SP100: variants seen among roughly 807,000 people sequenced by gnomAD.
SP100 encodes nuclear autoantigen Sp-100.
Under a neutral mutation model 130.0 loss-of-function variants are expected in SP100, and 84 were observed. That is an observed-to-expected ratio of 0.65 (90% CI 0.54 to 0.77). The LOEUF (loss-of-function observed/expected upper bound fraction) is 0.77. Ranked by LOEUF, SP100 falls within the 30% of genes least tolerant of loss-of-function variation. SP100 has a pLI of 0.00. For synonymous variants in SP100, 331 were observed against 351.7 expected (o/e 0.94, Z 0.66); for missense variants, 978 against 1,052.2 (o/e 0.93, Z 0.97).
Position 230,543,148 on chromosome 2 carries a change from G to A in SP100, c.*202G>A, listed in dbSNP as rs148802399. On this transcript the variant is annotated 3_prime_UTR_variant, in exon 29 of 29. Transcript: ENST00000340126. ...AAAAATTCTCAATAAGCTAGGTATT[G>A]AGGAACATATCCCAAAATAATAAGA... is the stretch of plus-strand genomic sequence containing the variant. 2.3e-6 allele frequency: 1 copy of A among 428,062 alleles called. No individual in the cohort carries two copies. Among genetic ancestry groups the A allele is most frequent in the Non-Finnish European group, 4.2e-6 (1 of 236,186 alleles). 26.5% of individuals were successfully genotyped at this position (428,062 alleles called of 1,614,324 possible).
intron 17 of SP100, among the ~76,000 whole-genome samples, chr2:230,479,917 C>T (rs2065753931): frequency 1.3e-5 from 2 of 152,210 alleles, no homozygotes; most frequent in African/African-American, 4.8e-5. Flanking sequence ...ATTTGGGCAT[C>T]TTGACCAATG....
chr2:230,458,667 A>G (rs1205166503), intron 8 of SP100, among the ~76,000 whole-genome samples: 4 of 152,156 alleles, frequency 2.6e-5, no homozygotes, highest in Non-Finnish European at 5.9e-5. Flanking sequence ...AAAGGAAGGA[A>G]GCCCAGGTGA....
At chr2:230,446,751 A>C (rs1315235392) in intron 4 of SP100, 68 bp from the exon 5 acceptor site, 17 of 1,017,036 alleles carry the variant, frequency 1.7e-5, no homozygotes, top group Non-Finnish European at 2.5e-5. Flanking sequence ...TCCTAAAAGC[A>C]TGATTTCCAG....
rs1235604252 is a variant in SP100 at position 230,511,156 on chromosome 2, T to G, written c.2084T>G (p.Val695Gly). The G allele has an allele frequency of 6.2e-7, 1 of 1,609,106 alleles. No individual in the cohort carries two copies. The highest frequency in any genetic ancestry group is 1.3e-5 in the African/African-American group (1 of 74,898). Residue 695 changes from valine (V) to glycine (G), a missense_variant, in exon 24 of 29, where the codon GTT (valine) becomes GGT (glycine). Val to Gly is a moderately radical substitution (Grantham distance 109, BLOSUM62 -3). Transcript: ENST00000340126. The stretch of plus-strand genomic sequence containing the variant: ...CTGGAATCTCACAACAATACCTTAG[T>G]TGACCCTTGTGTAAGTATAAATTTC... Reference protein sequence around the residue: ...RILESHNNTLVDPCPENSNIC... With the variant: ...RILESHNNTLGDPCPENSNIC...
Position 230,494,415 on chromosome 2 carries a change from G to A in SP100, c.1601-1G>A. ...TTATTTTCTTTCTTTTCTGTTTGCA[G>A]GAAAAAAGAGAAGGCATAGATCTAA... is the stretch of plus-strand genomic sequence containing the variant. On this transcript the variant is annotated splice_acceptor_variant, in intron 17 of 28. Coordinates refer to ENST00000340126, the MANE Select transcript of SP100 (RefSeq NM_001080391.2). LOFTEE classifies it high-confidence loss of function. 1 of 1,594,180 alleles carries A rather than the reference G, an allele frequency of 6.3e-7. No individual in the cohort carries two copies. Among genetic ancestry groups the A allele is most frequent in the Admixed American group, 1.7e-5 (1 of 59,812 alleles).
intron 2 of SP100, among the ~76,000 whole-genome samples, chr2:230,421,122 C>A (rs1343031020): frequency 6.6e-6 from 1 of 152,042 alleles, no homozygotes; most frequent in Non-Finnish European, 1.5e-5. Flanking sequence ...TCCTGTGCAA[C>A]ATCCTCCCGC....
intron 12 of SP100, 114 bp downstream of exon 12, chr2:230,466,468 G>A (rs1418250593): frequency 1.1e-5 from 7 of 643,822 alleles, no homozygotes; most frequent in East Asian, 2.7e-5. Flanking sequence ...ATCCTTCAAA[G>A]TAAAATATAA....
intron 8 of SP100, among the ~76,000 whole-genome samples, chr2:230,456,493 A>G (rs1343810559): frequency 2.0e-5 from 3 of 152,138 alleles, no homozygotes. Context: ...ATCTCTTTAA[A>G]TTAACTTTCT....
rs1008733524 is a variant in SP100 at position 230,494,836 on chromosome 2, A to G, written c.1645+376A>G. On this transcript the variant is annotated intron_variant, in intron 18 of 28. Transcript: ENST00000340126. ...CTCAAAAGTCTTCTGCCCACATCCC[A>G]TTGGCCAAAACTTGGTCACACAGCC... Among the ~76,000 whole-genome samples the G allele has an allele frequency of 3.3e-5, 5 of 152,308 alleles. No individual in the cohort carries two copies. In the South Asian group the frequency reaches 6.2e-4, roughly 19 times the overall value.
At position 230,417,936 on chromosome 2, in the gene SP100, A is replaced by G. The variant is rs545294701; in HGVS notation, c.107+271A>G. Among the ~76,000 whole-genome samples, 18 of 152,296 alleles carry G rather than the reference A, an allele frequency of 1.2e-4. No individual in the cohort carries two copies. The South Asian group carries it at 2.7e-3, about 23-fold the overall frequency. ...CTTATTAAAGCTTAAAACTTAACAT[A>G]TAGGCCTCTTGTGATACAGATTTTT... is the stretch of plus-strand genomic sequence containing the variant. On this transcript the variant is annotated intron_variant, in intron 2 of 28. Transcript: ENST00000340126.
chr2:230,514,941 T>A, intron 24 of SP100: 1 of 1,278,896 alleles, frequency 7.8e-7, no homozygotes, highest in Non-Finnish European at 1.1e-6. Context: ...TACATTGAGC[T>A]CCATAGAGAT....
intron 2 of SP100, among the ~76,000 whole-genome samples, chr2:230,422,198 G>A (rs563613636): frequency 1.3e-5 from 2 of 152,058 alleles, no homozygotes; most frequent in African/African-American, 4.8e-5. Flanking sequence ...CAAGAAATCC[G>A]AAATTTTCTC....
At chr2:230,477,212 T>C (rs1041999041) in intron 17 of SP100, among the ~76,000 whole-genome samples, 1 of 152,120 alleles carries the variant, frequency 6.6e-6, no homozygotes, top group African/African-American at 2.4e-5. Context: ...TCTGAATGAA[T>C]ATAGAACTCT....
chr2:230,497,594 AAGGAAAGGAAAGGAAAGGAAAGGAT>A (rs1559520544), intron 18 of SP100, among the ~76,000 whole-genome samples: 1 of 134,492 alleles, frequency 7.4e-6, no homozygotes, highest in Non-Finnish European at 1.7e-5. Context: ...AAGGAAAGGA[AAGGAAAGGAAAGGAAAGGAAAGGAT>A]CAGCACCTTT....
chr2:230,491,301 C>T (rs545908366), intron 17 of SP100, among the ~76,000 whole-genome samples: 36 of 152,324 alleles, frequency 2.4e-4, no homozygotes, highest in Admixed American at 2.6e-4. Context: ...ATGGAGACTG[C>T]GGCCTTTCTG....
Position 230,442,933 on chromosome 2 carries a change from C to G in SP100, c.108-4C>G. 6.2e-7 allele frequency: 1 copy of G among 1,611,538 alleles called. No homozygotes were observed. Among genetic ancestry groups the G allele is most frequent in the South Asian group, 1.1e-5 (1 of 90,682 alleles). ...CATTTTCACATGGTGTCCTTTTTCC[C>G]TAGGATGTTCACGGAAGACCAGGGT... On this transcript the variant is annotated splice_region_variant and splice_polypyrimidine_tract_variant and intron_variant, in intron 2 of 28. Coordinates refer to ENST00000340126, the MANE Select transcript of SP100 (RefSeq NM_001080391.2).
At chr2:230,510,840 A>G in intron 23 of SP100, 1 of 461,662 alleles carries the variant, frequency 2.2e-6, no homozygotes, top group Non-Finnish European at 3.9e-6. Flanking sequence ...TTGAAGTAGG[A>G]GGACCGATAG....
Position 230,449,552 on chromosome 2 carries a change from A to G in SP100, c.587-9A>G, listed in dbSNP as rs764365267. ...AAATAAAATACCTGTGAATCAAACCATGGTTTAGGTACAACCCCACCTGAA... is the reference window on the plus strand; with the variant it reads ...AAATAAAATACCTGTGAATCAAACCGTGGTTTAGGTACAACCCCACCTGAA... On this transcript the variant is annotated splice_polypyrimidine_tract_variant and intron_variant, in intron 6 of 28. Coordinates refer to ENST00000340126, the MANE Select transcript of SP100 (RefSeq NM_001080391.2). 6.2e-7 allele frequency: 1 copy of G among 1,613,818 alleles called. No homozygotes were observed. The highest frequency in any genetic ancestry group is 8.5e-7 in the Non-Finnish European group (1 of 1,179,908).
At chr2:230,439,132 T>C (rs180759079) in intron 2 of SP100, among the ~76,000 whole-genome samples, 26 of 152,336 alleles carry the variant, frequency 1.7e-4, no homozygotes, top group Non-Finnish European at 2.5e-4. Flanking sequence ...CATATATTTC[T>C]TGGCCATTTG....
Sources: gnomAD v4.1 joint callset for allele counts (sites outside exome capture counted in the v4.1 genomes callset) on GRCh38, gnomAD v4.1.1 for gene constraint, MANE v1.5 for transcripts, NCBI Gene and HGNC (gene_info 2026-07-23, HGNC 2026-07-21) for gene names.